PRDM10: variants seen among roughly 807,000 people sequenced by gnomAD.
PRDM10 encodes the protein PR/SET domain 10.
PRDM10 carries 65 observed loss-of-function variants against 133.1 expected under a neutral mutation model. That is an observed-to-expected ratio of 0.49 (90% CI 0.40 to 0.60). The LOEUF (loss-of-function observed/expected upper bound fraction) is 0.60. PRDM10 is among the 20% of genes least tolerant of loss of function. The pLI, the probability that PRDM10 is intolerant of heterozygous loss-of-function variation, is 0.00. For missense variants in PRDM10, 1,137 were observed against 1,507.1 expected, an observed-to-expected ratio of 0.75 and a Z score of 4.07; for synonymous variants, 582 against 580.4, an observed-to-expected ratio of 1.00 and a Z score of -0.04.
chr11:129,909,873 T>C (rs1317283217), intron 19 of PRDM10, among the ~76,000 whole-genome samples: 4 of 152,216 alleles, frequency 2.6e-5, no homozygotes, highest in African/African-American at 9.6e-5. Context: ...TGGGGTGGTT[T>C]AGAGTGGACA....
chr11:129,991,548 G>A (rs991189378), intron 1 of PRDM10, among the ~76,000 whole-genome samples: 2 of 152,178 alleles, frequency 1.3e-5, no homozygotes, highest in Admixed American at 1.3e-4. Context: ...GCTGGACATG[G>A]TGGCGGGCAC....
At chr11:129,933,957 C>T (rs1276323698) in intron 9 of PRDM10, among the ~76,000 whole-genome samples, 3 of 152,176 alleles carry the variant, frequency 2.0e-5, no homozygotes, top group Non-Finnish European at 2.9e-5. Flanking sequence ...CCTTCAGCCA[C>T]GCGAGCATCT....
Position 129,945,089 on chromosome 11 carries a change from G to GA in PRDM10, c.521-78dup, listed in dbSNP as rs1951362985. On this transcript the variant is annotated intron_variant, in intron 5 of 20. Coordinates refer to ENST00000360871, the MANE Select transcript of PRDM10 (RefSeq NM_199437.2). This position sits in a 1 kb window ranked among gnomAD's most constrained non-coding sequence, Gnocchi z 4.2. The stretch of plus-strand genomic sequence containing the variant: ...GATGTGAGGTAAAAAATTCTGACCC[G>GA]AAAAATCCCCGTCTGCATTTTCAAG... The GA allele has an allele frequency of 1.3e-6, 2 of 1,556,664 alleles. No homozygotes were observed. The highest frequency in any genetic ancestry group is 2.8e-5 in the African/African-American group (2 of 72,156).
In PRDM10 at chr11:129,925,153, C is replaced by T. The variant is rs768643197; in HGVS notation, c.1607G>A (p.Arg536Gln). ...GTGCTGGTCCAGTTTGTCCTTTTCC[C>T]GGAAGGCCTTCCCACACTGCAAGCA... The part of the protein sequence containing the change: ...FKCLQCGKAF[R>Q]EKDKLDQHLR... Residue 536 changes from arginine (R) to glutamine (Q), a missense_variant, in exon 12 of 21, where the codon CGG (arginine) becomes CAG (glutamine). By Grantham distance (43) the Arg-to-Gln change is conservative. This residue lies in a region of PRDM10 where 635 missense variants were observed against 835.2 expected (regional missense o/e 0.76). Transcript: ENST00000360871. 69 of 1,614,050 alleles carry T rather than the reference C, an allele frequency of 4.3e-5. No individual in the cohort carries two copies. The highest frequency in any genetic ancestry group is 1.6e-4 in the East Asian group (7 of 44,890).
At position 129,923,044 on chromosome 11, in the gene PRDM10, G is replaced by A. The variant is rs1221770883; in HGVS notation, c.2034+204C>T. 1.1e-4 allele frequency among the ~76,000 whole-genome samples: 17 copies of A among 152,148 alleles called. No individual in the cohort carries two copies. Among genetic ancestry groups the A allele is most frequent in the Admixed American group, 1.0e-3 (16 of 15,268 alleles). On this transcript the variant is annotated intron_variant, in intron 13 of 20. Coordinates refer to ENST00000360871, the MANE Select transcript of PRDM10 (RefSeq NM_199437.2). The surrounding 1 kb of genome is among the most constrained non-coding windows in gnomAD (Gnocchi z 4.4). ...TGCATTTTTACTCTACTTGTTTGGG[G>A]ATTTGAATTAACTATTTTGAGGAAA...
chr11:129,957,090 G>A (rs1044712052), intron 3 of PRDM10, among the ~76,000 whole-genome samples: 2 of 152,152 alleles, frequency 1.3e-5, no homozygotes, highest in Non-Finnish European at 2.9e-5. Flanking sequence ...AGAAGTGGTA[G>A]CTAATAAGCT....
chr11:129,944,707 C>A, intron 6 of PRDM10, 64 bp downstream of exon 6: 1 of 1,576,644 alleles, frequency 6.3e-7, no homozygotes, highest in Admixed American at 1.9e-5. Flanking sequence ...ACTGAGTAGA[C>A]AACGCAGTGC....
Position 129,946,866 on chromosome 11 carries a change from G to A in PRDM10, c.520+279C>T, listed in dbSNP as rs960316680. On this transcript the variant is annotated intron_variant, in intron 5 of 20. Transcript: ENST00000360871. ...CTGAAGCTCTGGTGTGAGAGACCTG[G>A]GCTTGGCTGCCTGATGCCCCTTCGT... Among the ~76,000 whole-genome samples, 10 of 152,276 alleles carry A rather than the reference G, an allele frequency of 6.6e-5. 1 individual carries two copies. The South Asian group carries it at 2.1e-3, about 32-fold the overall frequency.
chr11:129,961,550 C>G (rs1951796595), intron 1 of PRDM10, among the ~76,000 whole-genome samples: 1 of 151,470 alleles, frequency 6.6e-6, no homozygotes. Context: ...AAGTGATCCA[C>G]CTGCCTTGGT....
chr11:129,925,921 G>A (rs531211944), intron 11 of PRDM10, among the ~76,000 whole-genome samples: 6 of 152,292 alleles, frequency 3.9e-5, no homozygotes, highest in Admixed American at 1.3e-4. Flanking sequence ...TAAACTTTAT[G>A]CCACGAGAAT....
intron 4 of PRDM10, among the ~76,000 whole-genome samples, chr11:129,951,396 G>A (rs1013700498): frequency 6.6e-6 from 1 of 152,188 alleles, no homozygotes; most frequent in Non-Finnish European, 1.5e-5. Context: ...TGGGCAACAA[G>A]GTAACCAACC....
Position 129,947,481 on chromosome 11 carries a change from T to A in PRDM10, c.295-111A>T. ...AGGGCTGGCTGAAATCTAGTCTTCC[T>A]ACCAACTCCTTCCAGGCCCTGGAAA... On this transcript the variant is annotated intron_variant, in intron 4 of 20. Coordinates refer to ENST00000360871, the MANE Select transcript of PRDM10 (RefSeq NM_199437.2). This position sits in a 1 kb window ranked among gnomAD's most constrained non-coding sequence, Gnocchi z 4.6. 6.4e-7 allele frequency: 1 copy of A among 1,554,556 alleles called. No homozygotes were observed. The highest frequency in any genetic ancestry group is 1.2e-5 in the South Asian group (1 of 81,772).
intron 1 of PRDM10, among the ~76,000 whole-genome samples, chr11:129,978,244 G>C (rs1937897804): frequency 6.6e-6 from 1 of 152,138 alleles, no homozygotes; most frequent in Admixed American, 6.5e-5. Flanking sequence ...TGGACAGTGA[G>C]GCACATGATG....
In PRDM10 at chr11:129,917,296, A is replaced by G; in HGVS notation, c.2215-59T>C. 1.2e-5 allele frequency: 15 copies of G among 1,266,676 alleles called. No homozygotes were observed. In the South Asian group the frequency reaches 1.9e-4, roughly 16 times the overall value. 78.5% of individuals were successfully genotyped at this position (1,266,676 alleles called of 1,614,324 possible). The stretch of plus-strand genomic sequence containing the variant: ...AGACCCCATTAACCAAACAGAAGCT[A>G]CACGAATGCCTCTGATAATGACCGC... On this transcript the variant is annotated intron_variant, in intron 14 of 20. Transcript: ENST00000360871.
rs749904029 is a variant in PRDM10, at chr11:129,935,094, T to C, written c.1157+7A>G. ...TCAGTCTGTGAGCATTTCTCCCTCA[T>C]ACATACCTGCTAAACACATCTAGTT... is the stretch of plus-strand genomic sequence containing the variant. On this transcript the variant is annotated splice_region_variant and intron_variant, in intron 9 of 20. Transcript: ENST00000360871. The C allele has an allele frequency of 1.1e-5, 17 of 1,604,836 alleles. No individual in the cohort carries two copies. Among genetic ancestry groups the C allele is most frequent in the Middle Eastern group, 1.7e-4 (1 of 5,986 alleles).
intron 1 of PRDM10, among the ~76,000 whole-genome samples, chr11:129,975,411 G>A (rs761853272): frequency 9.2e-5 from 14 of 151,528 alleles, no homozygotes; most frequent in African/African-American, 2.9e-4. Flanking sequence ...GATAACAGGC[G>A]CGAATCTCCA....
chr11:129,961,730 T>C (rs1329410881), intron 1 of PRDM10, among the ~76,000 whole-genome samples: 4 of 152,032 alleles, frequency 2.6e-5, no homozygotes, highest in Admixed American at 2.6e-4. Flanking sequence ...AAAATAATAA[T>C]ATAATGTATT....
Position 129,931,174 on chromosome 11 carries a change from T to C in PRDM10, c.1372A>G (p.Thr458Ala). The change falls in exon 11 of 21, where the codon ACT becomes GCT. Residue 458 changes from threonine to alanine, a missense_variant. By Grantham distance (58) the Thr-to-Ala change is moderately conservative. Around this residue, in one of 6 missense-constraint regions of PRDM10, gnomAD observed 635 missense variants for 835.2 expected, o/e 0.76. Transcript: ENST00000360871. Reference sequence around the variant, plus strand: ...TGTGGCAGCTGAGGGATTGGGATAGTGGTCTGTTCTGGTTGATCCAGCCCA... The same window carrying C: ...TGTGGCAGCTGAGGGATTGGGATAGCGGTCTGTTCTGGTTGATCCAGCCCA... ...LNGLDQPEQT[T>A]IPIPQLPQET... 2.5e-6 allele frequency: 4 copies of C among 1,614,184 alleles called. No individual in the cohort carries two copies. Among genetic ancestry groups the C allele is most frequent in the Non-Finnish European group, 3.4e-6 (4 of 1,180,006 alleles).
intron 1 of PRDM10, among the ~76,000 whole-genome samples, chr11:129,977,597 T>C (rs1342881462): frequency 6.6e-6 from 1 of 152,146 alleles, no homozygotes; most frequent in East Asian, 1.9e-4. Flanking sequence ...TTTTTTTTAA[T>C]TCCACTAAGA....
Sources: allele counts gnomAD v4.1 joint callset (sites outside exome capture counted in the v4.1 genomes callset), GRCh38; gene constraint gnomAD v4.1.1; regional missense constraint gnomAD v4.1.1; non-coding constraint Gnocchi (gnomAD v3.1); transcripts MANE v1.5; gene names NCBI Gene and HGNC (gene_info 2026-07-23, HGNC 2026-07-21).